Variants in IFRD1 observed in about 807,000 individuals in gnomAD.
IFRD1 encodes the protein interferon-related developmental regulator 1.
IFRD1 carries 35 observed loss-of-function variants against 52.9 expected under a neutral mutation model. That is an observed-to-expected ratio of 0.66 (90% confidence interval 0.51 to 0.88). The LOEUF (loss-of-function observed/expected upper bound fraction) is 0.88. Ranked by LOEUF, IFRD1 falls within the 40% of genes least tolerant of loss-of-function variation. The pLI is 0.00. For missense variants in IFRD1, 517 were observed against 550.8 expected (o/e 0.94, Z 0.61); for synonymous variants, 184 against 188.4 (o/e 0.98, Z 0.19).
Position 112,462,330 on chromosome 7 carries a change from T to C in IFRD1, c.858T>C (p.Ala286=). 6.2e-7 allele frequency: 1 copy of C among 1,613,802 alleles called. No individual in the cohort carries two copies. The highest frequency in any genetic ancestry group is 8.5e-7 in the Non-Finnish European group (1 of 1,179,784). Residue 286 remains alanine (A), a synonymous_variant, in exon 8 of 12, where the codon GCT becomes GCC. Coordinates refer to ENST00000403825, the MANE Select transcript of IFRD1 (RefSeq NM_001550.4). ...ATGATGTAAACATGAGAATAGCTGC[T>C]GGTGAATCTTTGGCACTTCTCTTTG... The part of the protein sequence containing the change: ...SCDDVNMRIA[A]GESLALLFEL...
chr7:112,472,740 C>G (rs558713832), intron 10 of IFRD1, 26 bp from the exon 11 acceptor site: 1 of 1,366,532 alleles, frequency 7.3e-7, no homozygotes, highest in Non-Finnish European at 1.0e-6. Flanking sequence ...AATACTGAGC[C>G]ATACCACCTT....
chr7:112,471,510 A>G (rs571099822), intron 9 of IFRD1, among the ~76,000 whole-genome samples: 221 of 151,448 alleles, frequency 1.5e-3, no homozygotes, highest in Non-Finnish European at 2.5e-3. Flanking sequence ...ACTCTGACAT[A>G]CTCATGATTT....
chr7:112,468,931 A>G (rs945157910), intron 9 of IFRD1, among the ~76,000 whole-genome samples: 8 of 152,240 alleles, frequency 5.3e-5, no homozygotes, highest in Admixed American at 3.3e-4. Flanking sequence ...TTCAATCTAT[A>G]TGGCAAATAA....
chr7:112,437,514 G>A (rs751748723), intron 1 of IFRD1, among the ~76,000 whole-genome samples: 2 of 152,004 alleles, frequency 1.3e-5, no homozygotes, highest in Non-Finnish European at 2.9e-5. Flanking sequence ...ACTGATTAGT[G>A]CTATTTTATA....
intron 1 of IFRD1, chr7:112,452,166 T>G (rs992639271): frequency 1.7e-5 from 16 of 960,112 alleles, no homozygotes; most frequent in South Asian, 4.8e-5. Context: ...TTTTTTTTTT[T>G]TTGTTAAGGG....
At chr7:112,473,686 A>C (rs1432593376) in intron 11 of IFRD1, among the ~76,000 whole-genome samples, 1 of 152,150 alleles carries the variant, frequency 6.6e-6, no homozygotes, top group Non-Finnish European at 1.5e-5. Context: ...TGGCCTCCCA[A>C]AGTGCTGGGA....
chr7:112,463,144 T>G (rs978768615), intron 8 of IFRD1, among the ~76,000 whole-genome samples: 1 of 152,190 alleles, frequency 6.6e-6, no homozygotes. Flanking sequence ...ATTCAGATAC[T>G]GTGCTGATAT....
chr7:112,439,103 G>A (rs1584472100), intron 1 of IFRD1, among the ~76,000 whole-genome samples: 1 of 152,174 alleles, frequency 6.6e-6, no homozygotes. Context: ...AGCCCAAAAA[G>A]CAGTCATACA....
chr7:112,461,933 T>C lies in IFRD1; in HGVS notation c.618+17T>C. The C allele has an allele frequency of 1.2e-6, 2 of 1,608,786 alleles. No individual in the cohort carries two copies. Among genetic ancestry groups the C allele is most frequent in the Non-Finnish European group, 1.7e-6 (2 of 1,175,380 alleles). On this transcript the variant is annotated intron_variant, in intron 6 of 11. Coordinates refer to ENST00000403825, the MANE Select transcript of IFRD1 (RefSeq NM_001550.4). ...GACATTACTGTAAGTAAAAAACCTT[T>C]GATTCTAGTTATCTGCAGTTATTTC...
chr7:112,470,423 A>G lies in IFRD1; in HGVS notation c.1042-1796A>G, dbSNP rs1795718139. On this transcript the variant is annotated intron_variant, in intron 9 of 11. Coordinates refer to ENST00000403825, the MANE Select transcript of IFRD1 (RefSeq NM_001550.4). ...AGTGATGAGGGAAAAGCCAGACTGA[A>G]GTGGATTGAAAAGTGAGAAGTGATT... 2.0e-5 allele frequency among the ~76,000 whole-genome samples: 3 copies of G among 152,310 alleles called. No individual in the cohort carries two copies. The South Asian group carries it at 6.2e-4, about 32-fold the overall frequency.
chr7:112,448,457 G>C (rs984673682), upstream of IFRD1, among the ~76,000 whole-genome samples: 6 of 152,216 alleles, frequency 3.9e-5, no homozygotes, highest in African/African-American at 1.4e-4. Flanking sequence ...TTTCTGGATG[G>C]TGAAGAGCCT....
chr7:112,450,622 A>G lies in IFRD1; in HGVS notation c.-67A>G. 1 of 1,300,484 alleles carries G rather than the reference A, an allele frequency of 7.7e-7. No homozygotes were observed. The highest frequency in any genetic ancestry group is 1.1e-6 in the Non-Finnish European group (1 of 896,878). 80.6% of individuals were successfully genotyped at this position (1,300,484 alleles called of 1,614,324 possible). ...CCGCCCGCCGCACAGACGCACGAGT[A>G]AAAAGTGCAGCTCCATCGGCTGATC... is the stretch of plus-strand genomic sequence containing the variant. On this transcript the variant is annotated 5_prime_UTR_variant, in exon 1 of 12. Coordinates refer to ENST00000403825, the MANE Select transcript of IFRD1 (RefSeq NM_001550.4).
chr7:112,475,453 C>G lies in IFRD1; in HGVS notation c.1290C>G (p.Phe430Leu). The change falls in exon 12 of 12, where the codon TTC (phenylalanine) becomes TTG (leucine). Residue 430 changes from phenylalanine (F) to leucine (L), a missense_variant. Physicochemically the swap from Phe to Leu is conservative, Grantham distance 22 (BLOSUM62 0). Transcript: ENST00000403825. ...FERHLYNSAA[F>L]KARTKARSKC... ...AGCATTTATATAACTCTGCAGCCTT[C>G]AAAGCTCGAACCAAAGCTAGAAGCA... 6.2e-7 allele frequency: 1 copy of G among 1,611,400 alleles called. No homozygotes were observed. Among genetic ancestry groups the G allele is most frequent in the South Asian group, 1.1e-5 (1 of 90,886 alleles).
intron 4 of IFRD1, 37 bp from the exon 5 acceptor site, chr7:112,458,824 A>G: frequency 6.3e-7 from 1 of 1,597,558 alleles, no homozygotes; most frequent in Non-Finnish European, 8.6e-7. Context: ...AGTCTACTGA[A>G]AAGACTATCG....
chr7:112,441,578 C>T (rs1207701219), intron 1 of IFRD1, among the ~76,000 whole-genome samples: 3 of 152,196 alleles, frequency 2.0e-5, no homozygotes, highest in African/African-American at 7.2e-5. Context: ...CTTCTCTCTA[C>T]AGTCCTGTTT....
intron 9 of IFRD1, among the ~76,000 whole-genome samples, chr7:112,468,545 A>G (rs550912692): frequency 6.8e-4 from 103 of 152,232 alleles, no homozygotes; most frequent in African/African-American, 2.4e-3. Flanking sequence ...TGTTGCCCAG[A>G]CTGGAGTGCA....
chr7:112,468,270 CTT>C (rs201842737), intron 9 of IFRD1, among the ~76,000 whole-genome samples, 155 bp downstream of exon 9: 11 of 148,002 alleles, frequency 7.4e-5, no homozygotes, highest in Admixed American at 7.4e-4. Flanking sequence ...TAAGTGAAGA[CTT>C]TTTTTTTTTC....
intron 1 of IFRD1, among the ~76,000 whole-genome samples, chr7:112,429,525 G>A (rs965884857): frequency 6.6e-6 from 1 of 152,146 alleles, no homozygotes; most frequent in East Asian, 1.9e-4. Context: ...TGTCTTTGTT[G>A]TTCACCACAT....
In IFRD1 at chr7:112,472,388, G is replaced by C. The variant is rs1436417774; in HGVS notation, c.1170+41G>C. ...TCTACATATTTGCTTTTAAAGTAGGGAGCAGTCTTGAATATAGCTCACTTA... is the reference window on the plus strand; with the variant it reads ...TCTACATATTTGCTTTTAAAGTAGGCAGCAGTCTTGAATATAGCTCACTTA... On this transcript the variant is annotated intron_variant, in intron 10 of 11. Transcript: ENST00000403825. 19 of 1,610,826 alleles carry C rather than the reference G, an allele frequency of 1.2e-5. No individual in the cohort carries two copies. The South Asian group carries it at 1.2e-4, about 10-fold the overall frequency.
Sources: allele counts gnomAD v4.1 joint callset (sites outside exome capture counted in the v4.1 genomes callset), GRCh38; gene constraint gnomAD v4.1.1; transcripts MANE v1.5; gene names NCBI Gene and HGNC (gene_info 2026-07-23, HGNC 2026-07-21).